The following SNTB2 variants were observed in gnomAD, a reference collection of about 807,000 sequenced individuals.
The protein encoded by SNTB2 is beta-2-syntrophin.
SNTB2 carries 34 observed loss-of-function variants against 46.2 expected under a neutral mutation model. That is an observed-to-expected ratio of 0.74 (90% CI 0.56 to 0.98). The LOEUF (loss-of-function observed/expected upper bound fraction) is 0.98, where lower values mean the gene tolerates loss of function less well. Among genes scored for constraint, SNTB2 ranks in the 50% least tolerant of loss-of-function variants. The pLI is 0.00. For missense variants in SNTB2, 603 were observed against 731.4 expected, an observed-to-expected ratio of 0.82 and a Z score of 2.02; for synonymous variants, 290 against 312.6, an observed-to-expected ratio of 0.93 and a Z score of 0.76.
At chr16:69,291,531 C>G (rs1196775479) in intron 5 of SNTB2, among the ~76,000 whole-genome samples, 1 of 151,964 alleles carries the variant, frequency 6.6e-6, no homozygotes, top group Admixed American at 6.6e-5. Flanking sequence ...GGTAACACAG[C>G]AAGACCCCCC....
At chr16:69,258,605 CTTTTTTTTTTTTTTT>C (rs67116274) in intron 2 of SNTB2, among the ~76,000 whole-genome samples, 1 of 83,504 alleles carries the variant, frequency 1.2e-5, no homozygotes, top group Non-Finnish European at 2.3e-5. Flanking sequence ...CTTGTTCTTT[CTTTTTTTTTTTTTTT>C]TTTTTTTTTG....
intron 1 of SNTB2, among the ~76,000 whole-genome samples, chr16:69,218,606 A>G (rs149866524): frequency 0.015 from 2,230 of 152,106 alleles, 65 homozygotes; most frequent in African/African-American, 0.052. Flanking sequence ...TATTTTTAGT[A>G]GAGACGGGGT....
At chr16:69,289,505 C>G (rs1183114074) in intron 5 of SNTB2, among the ~76,000 whole-genome samples, 1 of 152,096 alleles carries the variant, frequency 6.6e-6, no homozygotes, top group Non-Finnish European at 1.5e-5. Flanking sequence ...ATGTTCCCAA[C>G]ATATAGAATT....
intron 4 of SNTB2, among the ~76,000 whole-genome samples, chr16:69,277,502 A>G (rs1964994678): frequency 6.6e-6 from 1 of 152,256 alleles, no homozygotes; most frequent in Non-Finnish European, 1.5e-5. Context: ...TAATGTAAAC[A>G]TGATACAGAA....
intron 5 of SNTB2, among the ~76,000 whole-genome samples, chr16:69,286,821 T>C (rs1254863251): frequency 1.3e-5 from 2 of 151,508 alleles, no homozygotes; most frequent in South Asian, 2.1e-4. Flanking sequence ...TAGTGCACAA[T>C]GATCAAGCCT....
At chr16:69,278,604 C>T (rs553920884) in intron 4 of SNTB2, among the ~76,000 whole-genome samples, 46 of 152,174 alleles carry the variant, frequency 3.0e-4, no homozygotes, top group Middle Eastern at 3.4e-3. Flanking sequence ...TACAGGTGTG[C>T]ACCACCATGC....
At chr16:69,222,856 A>C (rs1964419987) in intron 1 of SNTB2, among the ~76,000 whole-genome samples, 1 of 151,878 alleles carries the variant, frequency 6.6e-6, no homozygotes, top group Non-Finnish European at 1.5e-5. Context: ...AACTTGGCTC[A>C]CTGCAACCTC....
At chr16:69,237,639 G>C (rs374462163) in intron 1 of SNTB2, among the ~76,000 whole-genome samples, 2 of 104,096 alleles carry the variant, frequency 1.9e-5, no homozygotes. Flanking sequence ...GTTTTGCTCT[G>C]TTACCCAGGC....
At chr16:69,245,546 C>G in intron 1 of SNTB2, 56 bp from the exon 2 acceptor site, 1 of 1,514,668 alleles carries the variant, frequency 6.6e-7, no homozygotes, top group Non-Finnish European at 9.2e-7. Context: ...CTTTAGTTAT[C>G]ATTTATTATA....
At chr16:69,284,400 G>T (rs1349033002) in intron 5 of SNTB2, among the ~76,000 whole-genome samples, 156 bp downstream of exon 5, 5 of 134,818 alleles carry the variant, frequency 3.7e-5, no homozygotes, top group Non-Finnish European at 6.1e-5. Context: ...TTTTCTAAGT[G>T]TACATATGTT....
chr16:69,247,965 A>T lies in SNTB2; in HGVS notation c.794+2150A>T, dbSNP rs189016013. Among the ~76,000 whole-genome samples the T allele has an allele frequency of 4.4e-3, 660 of 151,662 alleles. 3 individuals are homozygous for T. Among genetic ancestry groups the T allele is most frequent in the African/African-American group, 0.014 (559 of 41,346 alleles). On this transcript the variant is annotated intron_variant, in intron 2 of 6. Transcript: ENST00000336278. ...AGACCTCGCCTCTACAGGATTTTTT[A>T]AAAAAAAATTAGCCAGGCATACTGG...
At chr16:69,256,681 A>T (rs965940063) in intron 2 of SNTB2, among the ~76,000 whole-genome samples, 1 of 152,208 alleles carries the variant, frequency 6.6e-6, no homozygotes, top group African/African-American at 2.4e-5. Flanking sequence ...TAATGCCATT[A>T]TATGTATATA....
chr16:69,253,030 G>A (rs1037630694), intron 2 of SNTB2, among the ~76,000 whole-genome samples: 1 of 151,484 alleles, frequency 6.6e-6, no homozygotes, highest in Admixed American at 6.6e-5. Flanking sequence ...CTCCCAAGTA[G>A]CTGGGACTGC....
intron 5 of SNTB2, among the ~76,000 whole-genome samples, chr16:69,291,948 G>A (rs931559098): frequency 3.3e-5 from 5 of 149,774 alleles, no homozygotes; most frequent in Admixed American, 1.3e-4. Context: ...GGCTGGGCAC[G>A]GTGGCTCACG....
At chr16:69,254,228 T>A (rs538410612) in intron 2 of SNTB2, among the ~76,000 whole-genome samples, 1 of 152,138 alleles carries the variant, frequency 6.6e-6, no homozygotes, top group Non-Finnish European at 1.5e-5. Context: ...GGCCACTGGA[T>A]GTGGAGAATG....
chr16:69,245,741 C>G lies in SNTB2; in HGVS notation c.720C>G (p.Thr240=), dbSNP rs1358238390. 3.7e-6 allele frequency: 6 copies of G among 1,614,106 alleles called. No homozygotes were observed. Among genetic ancestry groups the G allele is most frequent in the Admixed American group, 3.3e-5 (2 of 59,998 alleles). The change falls in exon 2 of 7, where the codon ACC becomes ACG. Residue 240 remains threonine, a synonymous_variant. Transcript: ENST00000336278. Reference sequence around the variant, plus strand: ...GTTCGCCAAAACACCAGAACAGCACCAAGGACAGGAAGATCATCCCTCTCA... The same window carrying G: ...GTTCGCCAAAACACCAGAACAGCACGAAGGACAGGAAGATCATCCCTCTCA... ...DSGSPKHQNS[T]KDRKIIPLKM... is the part of the protein sequence containing the mutation.
intron 4 of SNTB2, among the ~76,000 whole-genome samples, chr16:69,272,810 G>T (rs1447008481): frequency 6.8e-6 from 1 of 146,016 alleles, no homozygotes; most frequent in Admixed American, 7.1e-5. Context: ...AGAAGTGCTT[G>T]AACCCAGAGA....
rs548022933 is a variant in SNTB2 at position 69,286,281 on chromosome 16, A to G, written c.1345+2037A>G. 1.9e-3 allele frequency among the ~76,000 whole-genome samples: 291 copies of G among 152,314 alleles called. 4 individuals carry two copies. The highest frequency in any genetic ancestry group is 6.6e-3 in the African/African-American group (276 of 41,580). ...TCATTTAATCTGCATTTAGTAGTGT[A>G]AGAACTAGCCAGTAATTCCAGCTAC... On this transcript the variant is annotated intron_variant, in intron 5 of 6. Transcript: ENST00000336278.
At chr16:69,187,779 C>CGTGCAG in intron 1 of SNTB2, 33 bp downstream of exon 1, 1 of 1,305,430 alleles carries the variant, frequency 7.7e-7, no homozygotes, top group Non-Finnish European at 9.9e-7. Context: ...GTGGGCAGGC[C>CGTGCAG]GCGGCGGCCT....
Sources: gnomAD v4.1 joint callset for allele counts (sites outside exome capture counted in the v4.1 genomes callset) on GRCh38, gnomAD v4.1.1 for gene constraint, MANE v1.5 for transcripts, NCBI Gene and HGNC (gene_info 2026-07-23, HGNC 2026-07-21) for gene names.